NEB: variants seen among roughly 807,000 people sequenced by gnomAD.
The protein encoded by NEB is nemaline myopathy type 2.
Under a neutral mutation model 952.2 loss-of-function variants are expected in NEB, and 512 were observed. The observed-to-expected ratio is 0.54, with a 90% CI of 0.50 to 0.58. The LOEUF (loss-of-function observed/expected upper bound fraction) is 0.58, where lower values mean the gene tolerates loss of function less well. Ranked by LOEUF, NEB falls within the 20% of genes least tolerant of loss-of-function variation. NEB has a pLI of 0.00. For missense variants in NEB, 8,428 were observed against 9,231.1 expected (o/e 0.91, Z 3.56); for synonymous variants, 2,900 against 3,149.8 (o/e 0.92, Z 2.66).
intron 124 of NEB, 90 bp from the exon 125 acceptor site, chr2:151,555,134 C>T (rs531215710): frequency 2.6e-5 from 23 of 887,992 alleles, no homozygotes; most frequent in South Asian, 1.9e-4. Context: ...GGGAAAAACC[C>T]GACTCTGAGA....
At chr2:151,621,931 C>T (rs1409432257) in intron 71 of NEB, among the ~76,000 whole-genome samples, 1 of 152,022 alleles carries the variant, frequency 6.6e-6, no homozygotes, top group East Asian at 1.9e-4. Context: ...CTTGTAGGAG[C>T]TCATGGTGGT....
At chr2:151,628,031 G>C (rs2098557129) in intron 68 of NEB, among the ~76,000 whole-genome samples, 197 bp from the exon 69 acceptor site, 1 of 152,110 alleles carries the variant, frequency 6.6e-6, no homozygotes, top group African/African-American at 2.4e-5. Context: ...CTAATGCGAA[G>C]TCTCATAAAT....
At chr2:151,529,673 G>A (rs1185063286) in intron 145 of NEB, among the ~76,000 whole-genome samples, 1 of 152,080 alleles carries the variant, frequency 6.6e-6, no homozygotes, top group African/African-American at 2.4e-5. Flanking sequence ...TGGGACCACA[G>A]GCATGCGCCA....
chr2:151,540,907 C>A, intron 136 of NEB, 106 bp from the exon 137 acceptor site: 2 of 902,332 alleles, frequency 2.2e-6, no homozygotes, highest in East Asian at 5.1e-5. Context: ...GTGGTATCTG[C>A]TTACTGTCCT....
In NEB at chr2:151,610,078, T is replaced by C. The variant is rs1560386412; in HGVS notation, c.12061A>G (p.Ile4021Val). The C allele has an allele frequency of 1.2e-6, 2 of 1,613,528 alleles. No individual in the cohort carries two copies. The highest frequency in any genetic ancestry group is 2.2e-5 in the East Asian group (1 of 44,840). The change falls in exon 81 of 182, where the codon ATT becomes GTT. Residue 4021 changes from isoleucine (I) to valine (V), a missense_variant. By Grantham distance (29) the Ile-to-Val change is conservative. This residue lies in a region of NEB where 337 missense variants were observed against 297.5 expected (regional missense o/e 1.13). Coordinates refer to ENST00000397345, the MANE Select transcript of NEB (RefSeq NM_001164508.2). ...TCATCTTCAATGCTCTGGGCTCCAATGTGGTGGCCTTTCTGTTTCTCATAG... is the reference window on the plus strand; with the variant it reads ...TCATCTTCAATGCTCTGGGCTCCAACGTGGTGGCCTTTCTGTTTCTCATAG... ...EAYEKQKGHH[I>V]GAQSIEDDPK...
At position 151,490,508 on chromosome 2, in the gene NEB, C is replaced by T. The variant is rs376897146; in HGVS notation, c.25161G>A (p.Gln8387=). Residue 8387 remains glutamine (Q), a synonymous_variant, in exon 180 of 182, where the codon CAG becomes CAA. Transcript: ENST00000397345. ...RSLHMINVQA[Q]RRSREQSRSA... ...ATCGTGACTGCTCCCGGCTCCGGCG[C>T]TGAGCTTGGACTGGGAGAGATGCAG... The T allele has an allele frequency of 1.1e-4, 177 of 1,609,088 alleles. No homozygotes were observed. The African/African-American group carries it at 2.2e-3, about 20-fold the overall frequency.
chr2:151,535,845 A>G (rs1030106937), intron 141 of NEB, 50 bp from the exon 142 acceptor site: 2 of 926,364 alleles, frequency 2.2e-6, no homozygotes, highest in Non-Finnish European at 1.7e-6. Context: ...GATTATCTTA[A>G]GAATGAGACA....
chr2:151,560,037 A>G (rs914212809), intron 124 of NEB, among the ~76,000 whole-genome samples: 1 of 152,204 alleles, frequency 6.6e-6, no homozygotes, highest in South Asian at 2.1e-4. Context: ...TAGAGGATGT[A>G]TGATCTTCTA....
At chr2:151,562,014 T>C in intron 121 of NEB, 96 bp downstream of exon 121, 1 of 940,590 alleles carries the variant, frequency 1.1e-6, no homozygotes, top group South Asian at 1.4e-5. Context: ...GCCTACACTG[T>C]TACAGCAACT....
At chr2:151,634,047 C>A in intron 64 of NEB, 82 bp from the exon 65 acceptor site, 1 of 1,434,724 alleles carries the variant, frequency 7.0e-7, no homozygotes, top group South Asian at 1.3e-5. Context: ...TTGCTTACAT[C>A]ATACTTCAAC....
chr2:151,523,548 T>C (rs1472193960), intron 153 of NEB, among the ~76,000 whole-genome samples: 1 of 152,226 alleles, frequency 6.6e-6, no homozygotes, highest in Admixed American at 6.5e-5. Context: ...TAAAGTCCTA[T>C]AGGATCAAAC....
In NEB at chr2:151,526,987, A is replaced by G. The variant is rs1486986440; in HGVS notation, c.21876T>C (p.Gly7292=). Residue 7292 remains glycine, a synonymous_variant, in exon 148 of 182, where the codon GGT becomes GGC. Transcript: ENST00000397345. ...EYKLDREFLK[G]CKLSVTDDKN... ...TGTCATCAGTGACAGAAAGCTTGCA[A>G]CCCTTGAGGAACTCCCGGTCCAGCT... The G allele has an allele frequency of 6.2e-7, 1 of 1,603,142 alleles. No homozygotes were observed. Among genetic ancestry groups the G allele is most frequent in the Admixed American group, 1.7e-5 (1 of 58,858 alleles).
At chr2:151,531,137 G>T in intron 144 of NEB, 36 bp from the exon 145 acceptor site, 1 of 1,301,990 alleles carries the variant, frequency 7.7e-7, no homozygotes, top group Non-Finnish European at 1.1e-6. Context: ...ATCATGTCAT[G>T]CTTCTCAATG....
chr2:151,564,898 T>C (rs764077824), intron 117 of NEB, 146 bp downstream of exon 117: 27 of 533,968 alleles, frequency 5.1e-5, no homozygotes, highest in Non-Finnish European at 8.6e-5. Context: ...AACATGGTAC[T>C]TCTAATACAC....
In NEB at chr2:151,546,118, T is replaced by C. The variant is rs912613274; in HGVS notation, c.20467-120A>G. The C allele has an allele frequency of 1.0e-5, 8 of 770,780 alleles. No homozygotes were observed. In the African/African-American group the frequency reaches 1.2e-4, roughly 12 times the overall value. 47.7% of individuals were successfully genotyped at this position (770,780 alleles called of 1,614,324 possible). On this transcript the variant is annotated intron_variant, in intron 134 of 181. Coordinates refer to ENST00000397345, the MANE Select transcript of NEB (RefSeq NM_001164508.2). ...GAGCAGGGCTTTCATGTGTCCTGGA[T>C]GTCTTCCCAGGCAGGAGCAAAAACA...
intron 71 of NEB, among the ~76,000 whole-genome samples, chr2:151,623,463 T>C (rs191885809): frequency 6.6e-6 from 1 of 152,174 alleles, no homozygotes; most frequent in African/African-American, 2.4e-5. Flanking sequence ...TTAAACTTCA[T>C]TTTTATACCC....
At chr2:151,697,994 A>AC (rs1350976863) in intron 13 of NEB, among the ~76,000 whole-genome samples, 2 of 152,176 alleles carry the variant, frequency 1.3e-5, no homozygotes, top group Non-Finnish European at 2.9e-5. Context: ...TGAACCCGGG[A>AC]GGCGGAGGTT....
rs993616507 is a variant in NEB at position 151,669,687 on chromosome 2, C to A, written c.4507-556G>T. On this transcript the variant is annotated intron_variant, in intron 38 of 181. Transcript: ENST00000397345. ...GTGGAGCAGTATTAGACAGAAGGTG[C>A]AGAAGGGCCACAGAGAAGAGGGTCT... Among the ~76,000 whole-genome samples, 53 of 152,126 alleles carry A rather than the reference C, an allele frequency of 3.5e-4. 1 individual carries two copies. The highest frequency in any genetic ancestry group is 1.5e-4 in the Non-Finnish European group (10 of 68,028).
At chr2:151,545,128 T>A (rs1001605777) in intron 135 of NEB, among the ~76,000 whole-genome samples, 13 of 152,142 alleles carry the variant, frequency 8.5e-5, no homozygotes, top group Non-Finnish European at 1.6e-4. Flanking sequence ...AAAATGAAAC[T>A]AAGTAGTCTG....
Sources: allele counts gnomAD v4.1 joint callset (sites outside exome capture counted in the v4.1 genomes callset), GRCh38; gene constraint gnomAD v4.1.1; regional missense constraint gnomAD v4.1.1; transcripts MANE v1.5; gene names NCBI Gene and HGNC (gene_info 2026-07-23, HGNC 2026-07-21).